The following MGAT5B variants were observed in gnomAD, a reference collection of about 807,000 sequenced individuals.
The protein encoded by MGAT5B is N-acetylglucosaminyl-transferase Vb.
Under a neutral mutation model 95.1 loss-of-function variants are expected in MGAT5B, and 54 were observed. The ratio of observed to expected loss-of-function variants is 0.57; its 90% CI spans 0.46 to 0.71. MGAT5B has a LOEUF of 0.71. Ranked by LOEUF, MGAT5B falls within the 30% of genes least tolerant of loss-of-function variation. MGAT5B has a pLI of 0.00. For synonymous variants in MGAT5B, 464 were observed against 451.0 expected, an observed-to-expected ratio of 1.03 and a Z score of -0.36; for missense variants, 935 against 1,088.6, an observed-to-expected ratio of 0.86 and a Z score of 1.99.
intron 2 of MGAT5B, among the ~76,000 whole-genome samples, chr17:76,876,238 A>G (rs892326424): frequency 6.6e-6 from 1 of 152,086 alleles, no homozygotes; most frequent in Non-Finnish European, 1.5e-5. Flanking sequence ...AGGTACCAGC[A>G]TTTCCACTTA....
intron 12 of MGAT5B, among the ~76,000 whole-genome samples, chr17:76,937,475 G>A (rs1355460802): frequency 6.6e-6 from 1 of 151,994 alleles, no homozygotes; most frequent in Non-Finnish European, 1.5e-5. Flanking sequence ...GGATGGGTGG[G>A]TGGACGCATA....
intron 16 of MGAT5B, among the ~76,000 whole-genome samples, chr17:76,946,801 C>T (rs1429269992): frequency 6.6e-6 from 1 of 152,230 alleles, no homozygotes; most frequent in Non-Finnish European, 1.5e-5. Context: ...TGAAGATCCC[C>T]AGACTCTCCG....
rs557655178 is a variant in MGAT5B at position 76,899,594 on chromosome 17, G to A, written c.330-2961G>A. Among the ~76,000 whole-genome samples the A allele has an allele frequency of 1.7e-4, 26 of 152,254 alleles. No homozygotes were observed. The South Asian group carries it at 2.9e-3, about 17-fold the overall frequency. On this transcript the variant is annotated intron_variant, in intron 3 of 17. Coordinates refer to ENST00000569840, the MANE Select transcript of MGAT5B (RefSeq NM_001199172.2). The stretch of plus-strand genomic sequence containing the variant: ...TGAGACTGCAGTGAGCCATGATTGC[G>A]CCACTGCACTCCAGCCTCTGTCCAG...
At position 76,940,587 on chromosome 17, in the gene MGAT5B, C is replaced by A. The variant is rs200817000; in HGVS notation, c.1731+39C>A. On this transcript the variant is annotated intron_variant, in intron 14 of 17. Transcript: ENST00000569840. This position sits in a 1 kb window ranked among gnomAD's most constrained non-coding sequence, Gnocchi z 4.3. ...ATCCTGGTCCCCGATCAGGAGGGGC[C>A]GGGACAGAGACCCCTGCAGGTCCTG... is the stretch of plus-strand genomic sequence containing the variant. 11 of 1,591,014 alleles carry A rather than the reference C, an allele frequency of 6.9e-6. No individual in the cohort carries two copies. The African/African-American group carries it at 1.3e-4, about 19-fold the overall frequency.
At chr17:76,911,882 C>T (rs549442119) in intron 8 of MGAT5B, among the ~76,000 whole-genome samples, 1 of 152,292 alleles carries the variant, frequency 6.6e-6, no homozygotes, top group South Asian at 2.1e-4. Context: ...GGCGCTGGAG[C>T]GTGCTGCAAG....
Position 76,948,970 on chromosome 17 carries a change from C to T in MGAT5B, c.*132C>T, listed in dbSNP as rs985100748. The T allele has an allele frequency of 1.0e-4, 113 of 1,087,470 alleles. No homozygotes were observed. The highest frequency in any genetic ancestry group is 1.3e-4 in the Non-Finnish European group (100 of 777,224). 67.4% of individuals were successfully genotyped at this position (1,087,470 alleles called of 1,614,324 possible). On this transcript the variant is annotated 3_prime_UTR_variant, in exon 18 of 18. Coordinates refer to ENST00000569840, the MANE Select transcript of MGAT5B (RefSeq NM_001199172.2). ...CCAGGCCGGAGCTTCCTTCCTTAGCCGGGAAGCTGGCAGAGGAGAGCCGTG... is the reference window on the plus strand; with the variant it reads ...CCAGGCCGGAGCTTCCTTCCTTAGCTGGGAAGCTGGCAGAGGAGAGCCGTG...
At chr17:76,882,920 G>T (rs1967488752) in intron 3 of MGAT5B, among the ~76,000 whole-genome samples, 1 of 151,566 alleles carries the variant, frequency 6.6e-6, no homozygotes, top group Admixed American at 6.6e-5. Flanking sequence ...TTACTATGTT[G>T]GCCAGGCTAG....
At chr17:76,901,963 C>T (rs1333334368) in intron 3 of MGAT5B, among the ~76,000 whole-genome samples, 1 of 152,246 alleles carries the variant, frequency 6.6e-6, no homozygotes, top group Non-Finnish European at 1.5e-5. Flanking sequence ...GATAGGGTCA[C>T]ATGTGCAGAT....
intron 2 of MGAT5B, 28 bp from the exon 3 acceptor site, chr17:76,882,123 C>A (rs570758811): frequency 1.8e-5 from 28 of 1,589,636 alleles, no homozygotes; most frequent in Non-Finnish European, 2.4e-5. Context: ...TCGGGCCTCC[C>A]CTAACCATAC....
rs1966980798 is a variant in MGAT5B, at chr17:76,870,705, G to T, written c.68+1608G>T. On this transcript the variant is annotated intron_variant, in intron 1 of 17. Coordinates refer to ENST00000569840, the MANE Select transcript of MGAT5B (RefSeq NM_001199172.2). The surrounding 1 kb of genome is among the most constrained non-coding windows in gnomAD (Gnocchi z 5.0). ...CTTCACCCCAGGGTCTCCCTGGGCT[G>T]CCCGGAGACCCGCAGCCATCAGTGA... is the stretch of plus-strand genomic sequence containing the variant. Among the ~76,000 whole-genome samples, 2 of 152,054 alleles carry T rather than the reference G, an allele frequency of 1.3e-5. No individual in the cohort carries two copies. The highest frequency in any genetic ancestry group is 1.3e-4 in the Admixed American group (2 of 15,284).
At chr17:76,921,663 G>C (rs1337467429) in intron 8 of MGAT5B, among the ~76,000 whole-genome samples, 1 of 152,196 alleles carries the variant, frequency 6.6e-6, no homozygotes, top group Non-Finnish European at 1.5e-5. Flanking sequence ...TGGTGCAGGG[G>C]CTGCAGCTGT....
chr17:76,904,419 C>T lies in MGAT5B; in HGVS notation c.687C>T (p.Val229=). ...GGGCACCCAAGCCCCTCCCCAAAGT[C>T]CAGGTGGGCCTGGGAGGTGGGTGGG... ...AQRAPKPLPK[V]QAVFRSNLSH... Residue 229 remains valine, a synonymous_variant, in exon 6 of 18, where the codon GTC becomes GTT. Coordinates refer to ENST00000569840, the MANE Select transcript of MGAT5B (RefSeq NM_001199172.2). 1 of 1,555,888 alleles carries T rather than the reference C, an allele frequency of 6.4e-7. No individual in the cohort carries two copies. Among genetic ancestry groups the T allele is most frequent in the Non-Finnish European group, 8.7e-7 (1 of 1,150,274 alleles).
intron 9 of MGAT5B, 140 bp from the exon 10 acceptor site, chr17:76,926,457 T>C (rs1267285620): frequency 3.8e-6 from 3 of 787,840 alleles, no homozygotes; most frequent in Non-Finnish European, 6.0e-6. Context: ...CAGGGCAGTG[T>C]CCTAGTCCAA....
rs1968896763 is a variant in MGAT5B at position 76,915,474 on chromosome 17, A to T, written c.1025+9287A>T. 6.6e-6 allele frequency among the ~76,000 whole-genome samples: 1 copy of T among 152,080 alleles called. No individual in the cohort carries two copies. ...AGGAAGTGGACAAGACCGAAAAACA[A>T]CCCTCGGGCTCTACCAGGGTTTGTA... On this transcript the variant is annotated intron_variant, in intron 8 of 17. Coordinates refer to ENST00000569840, the MANE Select transcript of MGAT5B (RefSeq NM_001199172.2). The surrounding 1 kb of genome is among the most constrained non-coding windows in gnomAD (Gnocchi z 8.7).
chr17:76,894,514 G>A (rs1200185951), intron 3 of MGAT5B, among the ~76,000 whole-genome samples: 1 of 152,196 alleles, frequency 6.6e-6, no homozygotes, highest in Non-Finnish European at 1.5e-5. Context: ...TCTAGGAAAA[G>A]TCCTGCCTCC....
intron 11 of MGAT5B, 65 bp downstream of exon 11, chr17:76,932,840 G>GC (rs1969538037): frequency 2.9e-5 from 46 of 1,578,952 alleles, no homozygotes; most frequent in Non-Finnish European, 3.7e-5. Flanking sequence ...CCTGGGTCCC[G>GC]CATCTCCTCC....
intron 17 of MGAT5B, 32 bp from the exon 18 acceptor site, chr17:76,948,608 G>A (rs775355851): frequency 2.5e-5 from 40 of 1,591,086 alleles, no homozygotes; most frequent in Non-Finnish European, 3.3e-5. Flanking sequence ...AGTGACCAAC[G>A]CTGAGTGACG....
intron 3 of MGAT5B, among the ~76,000 whole-genome samples, chr17:76,893,503 A>G (rs1008484683): frequency 6.6e-6 from 1 of 152,352 alleles, no homozygotes. Context: ...TGTAACAAAG[A>G]CATAAAAGAA....
At chr17:76,919,044 T>C (rs1969038575) in intron 8 of MGAT5B, among the ~76,000 whole-genome samples, 1 of 152,306 alleles carries the variant, frequency 6.6e-6, no homozygotes, top group Admixed American at 6.5e-5. Context: ...GTGTCCCACA[T>C]GTGGAGGCGG....
Sources: gnomAD v4.1 joint callset for allele counts (sites outside exome capture counted in the v4.1 genomes callset) on GRCh38, gnomAD v4.1.1 for gene constraint, Gnocchi (gnomAD v3.1) non-coding constraint, MANE v1.5 for transcripts, NCBI Gene and HGNC (gene_info 2026-07-23, HGNC 2026-07-21) for gene names.